Variants in MSRA observed in about 807,000 individuals in gnomAD.
MSRA encodes mitochondrial peptide methionine sulfoxide reductase.
In MSRA, 54 loss-of-function variants were observed where a neutral mutation model predicts 31.3. The observed-to-expected ratio is 1.73, with a 90% CI of 1.39 to 2.17. MSRA has a LOEUF of 2.17. MSRA is among the 30% of genes most tolerant of loss of function. The pLI is 0.00. For synonymous variants in MSRA, 169 were observed against 116.5 expected, an observed-to-expected ratio of 1.45 and a Z score of -2.90; for missense variants, 507 against 300.9, an observed-to-expected ratio of 1.69 and a Z score of -5.07.
At chr8:10,323,245 A>C (rs903037668) in intron 5 of MSRA, among the ~76,000 whole-genome samples, 1 of 152,180 alleles carries the variant, frequency 6.6e-6, no homozygotes, top group Non-Finnish European at 1.5e-5. Flanking sequence ...AAGTGGTTCA[A>C]TTGTTTCATC....
intron 1 of MSRA, among the ~76,000 whole-genome samples, chr8:10,160,601 AT>A (rs1804550334): frequency 6.6e-6 from 1 of 152,110 alleles, no homozygotes; most frequent in Non-Finnish European, 1.5e-5. Context: ...GGAGGATCCT[AT>A]TCTCACTGCA....
intron 1 of MSRA, among the ~76,000 whole-genome samples, chr8:10,159,827 T>C (rs929736187): frequency 2.6e-5 from 4 of 152,344 alleles, no homozygotes; most frequent in Non-Finnish European, 4.4e-5. Context: ...AATCTCTAAA[T>C]ATCTAACCCA....
chr8:10,172,122 C>G (rs923275369), intron 1 of MSRA, among the ~76,000 whole-genome samples: 3 of 152,130 alleles, frequency 2.0e-5, no homozygotes, highest in African/African-American at 7.2e-5. Context: ...GGCAGGGTGG[C>G]AGAACTACAG....
chr8:10,319,853 G>T, intron 4 of MSRA, 30 bp from the exon 5 acceptor site: 1 of 1,411,410 alleles, frequency 7.1e-7, no homozygotes, highest in Non-Finnish European at 9.5e-7. Flanking sequence ...CTAGTGACCG[G>T]GTAACCCTCC....
At chr8:10,195,079 T>C (rs1807855616) in intron 1 of MSRA, among the ~76,000 whole-genome samples, 1 of 152,250 alleles carries the variant, frequency 6.6e-6, no homozygotes, top group Admixed American at 6.5e-5. Flanking sequence ...CTATTCTTTA[T>C]AACAATGCTG....
At chr8:10,063,440 G>C (rs1204696304) in intron 1 of MSRA, among the ~76,000 whole-genome samples, 1 of 152,144 alleles carries the variant, frequency 6.6e-6, no homozygotes, top group East Asian at 1.9e-4. Context: ...GCTGGCCTCA[G>C]TGTTTCAGAT....
intron 1 of MSRA, among the ~76,000 whole-genome samples, chr8:10,139,197 G>T (rs770510682): frequency 1.6e-4 from 24 of 152,316 alleles, no homozygotes; most frequent in South Asian, 6.2e-4. Context: ...AAGAATCTGA[G>T]AATGTTATGA....
At chr8:10,098,756 T>G (rs1044798476) in intron 1 of MSRA, among the ~76,000 whole-genome samples, 3 of 152,222 alleles carry the variant, frequency 2.0e-5, no homozygotes, top group Non-Finnish European at 2.9e-5. Flanking sequence ...GCCAGAAAAC[T>G]TGAGTTGTTC....
intron 5 of MSRA, among the ~76,000 whole-genome samples, chr8:10,407,446 C>T (rs1239448313): frequency 6.6e-6 from 1 of 152,138 alleles, no homozygotes; most frequent in Non-Finnish European, 1.5e-5. Context: ...GTGAACCATT[C>T]TGGATGAACT....
At chr8:10,170,947 C>T (rs888669543) in intron 1 of MSRA, among the ~76,000 whole-genome samples, 1 of 152,200 alleles carries the variant, frequency 6.6e-6, no homozygotes, top group East Asian at 1.9e-4. Context: ...TAGCTAGGCT[C>T]TCCAGCATGA....
intron 2 of MSRA, among the ~76,000 whole-genome samples, chr8:10,212,356 C>A (rs577170567): frequency 6.6e-6 from 1 of 152,004 alleles, no homozygotes. Context: ...CCCCCTTTAA[C>A]GAGGTTGTAT....
intron 1 of MSRA, chr8:10,096,359 A>G (rs1799155363): frequency 3.0e-6 from 3 of 1,011,076 alleles, no homozygotes; most frequent in Non-Finnish European, 3.6e-6. Flanking sequence ...TTTGCTCTGA[A>G]CCATTTTTGG....
At chr8:10,424,722 G>A (rs1411058349) in intron 5 of MSRA, among the ~76,000 whole-genome samples, 1 of 152,216 alleles carries the variant, frequency 6.6e-6, no homozygotes, top group Non-Finnish European at 1.5e-5. Flanking sequence ...CTGATTCGGG[G>A]CCAGGGAGAG....
intron 5 of MSRA, among the ~76,000 whole-genome samples, chr8:10,359,572 C>T (rs1804715664): frequency 6.6e-6 from 1 of 152,194 alleles, no homozygotes; most frequent in Non-Finnish European, 1.5e-5. Context: ...TCCTTCTCCT[C>T]CTCTTCGTTT....
intron 1 of MSRA, among the ~76,000 whole-genome samples, chr8:10,135,659 A>C (rs1207908886): frequency 6.6e-6 from 1 of 152,240 alleles, no homozygotes; most frequent in Non-Finnish European, 1.5e-5. Context: ...CATTCTGTGC[A>C]TTCGCGTGCC....
At chr8:10,329,173 C>CA (rs1348332964) in intron 5 of MSRA, among the ~76,000 whole-genome samples, 2 of 152,192 alleles carry the variant, frequency 1.3e-5, no homozygotes, top group Non-Finnish European at 2.9e-5. Context: ...GCTACTATAA[C>CA]AAATTACCAC....
At chr8:10,425,681 G>C (rs1449666482) in intron 5 of MSRA, among the ~76,000 whole-genome samples, 1 of 152,238 alleles carries the variant, frequency 6.6e-6, no homozygotes, top group Non-Finnish European at 1.5e-5. Flanking sequence ...AGGGCCGGGA[G>C]CGAGGCCCGT....
At chr8:10,414,542 C>T (rs1478156279) in intron 5 of MSRA, among the ~76,000 whole-genome samples, 2 of 152,228 alleles carry the variant, frequency 1.3e-5, no homozygotes, top group African/African-American at 4.8e-5. Flanking sequence ...CAACCGTCTG[C>T]AGTGAGACTA....
chr8:10,225,922 G>C (rs1034373519), intron 2 of MSRA, among the ~76,000 whole-genome samples: 16 of 152,234 alleles, frequency 1.1e-4, no homozygotes, highest in Non-Finnish European at 2.9e-5. Flanking sequence ...TTCTATCCAT[G>C]CCAGAAAGAC....
Sources: allele counts gnomAD v4.1 joint callset (sites outside exome capture counted in the v4.1 genomes callset), GRCh38; gene constraint gnomAD v4.1.1; transcripts MANE v1.5; gene names NCBI Gene and HGNC (gene_info 2026-07-23, HGNC 2026-07-21).